Variants in DPP10 observed in about 807,000 individuals in gnomAD.
DPP10 encodes dipeptidyl peptidase like 10.
A neutral mutation model predicts 120.9 loss-of-function variants in DPP10; 33 were observed. The ratio of observed to expected loss-of-function variants is 0.27; its 90% CI spans 0.21 to 0.37. The LOEUF is 0.37. DPP10 is among the 10% of genes least tolerant of loss of function. The probability of loss-of-function intolerance (pLI) is 1.00; values close to 1 mark genes in which losing one functional copy is unlikely to be tolerated. For synonymous variants in DPP10, 337 were observed against 326.1 expected (o/e 1.03, Z -0.36); for missense variants, 816 against 942.8 (o/e 0.87, Z 1.76).
intron 21 of DPP10, among the ~76,000 whole-genome samples, chr2:115,827,355 A>G (rs947910096): frequency 7.4e-6 from 1 of 135,710 alleles, no homozygotes; most frequent in Admixed American, 7.6e-5. Context: ...ATATGTACAT[A>G]TATATGAAGT....
chr2:114,872,840 G>A (rs1398068892), intron 1 of DPP10, among the ~76,000 whole-genome samples: 4 of 152,092 alleles, frequency 2.6e-5, no homozygotes. Flanking sequence ...CCAACAAAAA[G>A]AAAGCTGCAT....
chr2:114,948,062 T>A (rs1697499073), intron 1 of DPP10, among the ~76,000 whole-genome samples: 1 of 152,066 alleles, frequency 6.6e-6, no homozygotes, highest in African/African-American at 2.4e-5. Flanking sequence ...CTATTATTAA[T>A]TCAATACTGA....
At chr2:115,016,669 C>A (rs1476765536) in intron 1 of DPP10, among the ~76,000 whole-genome samples, 1 of 150,786 alleles carries the variant, frequency 6.6e-6, no homozygotes, top group Admixed American at 6.6e-5. Flanking sequence ...AAAAAAAAAA[C>A]AACCCATCAA....
intron 10 of DPP10, among the ~76,000 whole-genome samples, chr2:115,748,266 T>C (rs1678260752): frequency 6.6e-6 from 1 of 151,492 alleles, no homozygotes; most frequent in Non-Finnish European, 1.5e-5. Context: ...GCATCTGGTA[T>C]ATTTTTATAA....
intron 1 of DPP10, among the ~76,000 whole-genome samples, chr2:114,499,605 T>A (rs1682982139): frequency 6.6e-6 from 1 of 151,866 alleles, no homozygotes; most frequent in Admixed American, 6.6e-5. Context: ...GAGCAGGGAC[T>A]GGGCTGTGAA....
chr2:114,636,126 A>G (rs1159784043), intron 1 of DPP10, among the ~76,000 whole-genome samples: 1 of 151,976 alleles, frequency 6.6e-6, no homozygotes, highest in African/African-American at 2.4e-5. Flanking sequence ...CATTCTTTCA[A>G]TAAAAATCAT....
At chr2:115,635,653 A>C (rs1002653420) in intron 5 of DPP10, among the ~76,000 whole-genome samples, 11 of 152,292 alleles carry the variant, frequency 7.2e-5, no homozygotes, top group South Asian at 6.2e-4. Flanking sequence ...ATTTGATAAG[A>C]AAGGTTATTT....
At chr2:115,390,633 A>G (rs1412187398) in intron 3 of DPP10, among the ~76,000 whole-genome samples, 2 of 152,154 alleles carry the variant, frequency 1.3e-5, no homozygotes, top group African/African-American at 4.8e-5. Flanking sequence ...TGAGAGAGAA[A>G]TGAATTTTGC....
At position 114,512,906 on chromosome 2, in the gene DPP10, AG is replaced by A. The variant is rs1264607921; in HGVS notation, c.60+70069del. Among the ~76,000 whole-genome samples the A allele has an allele frequency of 5.3e-5, 8 of 152,332 alleles. No homozygotes were observed. The East Asian group carries it at 1.5e-3, about 29-fold the overall frequency. On this transcript the variant is annotated intron_variant, in intron 1 of 25. Coordinates refer to ENST00000410059, the MANE Select transcript of DPP10 (RefSeq NM_020868.6). ...AGCCTCAAACACTGCTGTAGAGGAA[AG>A]ATTAGAAATATAAATTATGTAAAAT...
intron 1 of DPP10, among the ~76,000 whole-genome samples, chr2:114,703,555 G>T (rs1700510374): frequency 6.6e-6 from 1 of 152,114 alleles, no homozygotes; most frequent in Non-Finnish European, 1.5e-5. Context: ...TCAGAAAATT[G>T]TTAGCTATCC....
At chr2:115,315,864 T>C (rs1289816833) in intron 2 of DPP10, among the ~76,000 whole-genome samples, 2 of 152,166 alleles carry the variant, frequency 1.3e-5, no homozygotes, top group African/African-American at 2.4e-5. Context: ...TTGTTGCTTT[T>C]TTAAATAGAT....
At chr2:114,947,523 T>A (rs1322710877) in intron 1 of DPP10, among the ~76,000 whole-genome samples, 2 of 152,002 alleles carry the variant, frequency 1.3e-5, no homozygotes, top group African/African-American at 4.8e-5. Flanking sequence ...AGTTCCGTCA[T>A]ATTGGTCACT....
At chr2:115,380,783 A>T (rs2066267321) in intron 3 of DPP10, among the ~76,000 whole-genome samples, 2 of 152,110 alleles carry the variant, frequency 1.3e-5, no homozygotes, top group South Asian at 4.1e-4. Flanking sequence ...GCTTGTCCGC[A>T]AAGTATTTTA....
At position 114,785,751 on chromosome 2, in the gene DPP10, G is replaced by C. The variant is rs77130405; in HGVS notation, c.60+342913G>C. On this transcript the variant is annotated intron_variant, in intron 1 of 25. Coordinates refer to ENST00000410059, the MANE Select transcript of DPP10 (RefSeq NM_020868.6). ...AGTCTAAGGGGGAGCTGAAGACTTT[G>C]TACAATAGATTTTAAATTCAGAATT... 3.0e-3 allele frequency among the ~76,000 whole-genome samples: 464 copies of C among 152,228 alleles called. 14 individuals are homozygous for C. In the East Asian group the frequency reaches 0.077, roughly 25 times the overall value.
At chr2:115,153,728 TTATTTTTCCCTAAAATACTTA>T (rs1174447547) in intron 1 of DPP10, among the ~76,000 whole-genome samples, 5 of 152,168 alleles carry the variant, frequency 3.3e-5, no homozygotes, top group Admixed American at 6.5e-5. Flanking sequence ...AGCATAAACT[TTATTTTTCCCTAAAATACTTA>T]TATTTTTCCC....
intron 3 of DPP10, among the ~76,000 whole-genome samples, chr2:115,384,707 A>AAAG (rs139572526): frequency 0.16 from 24,327 of 148,412 alleles, 2,313 homozygotes; most frequent in East Asian, 0.32. Flanking sequence ...AAGAAAGAAG[A>AAAG]AAGAAGAAGA....
chr2:115,534,234 A>G (rs924698483), intron 5 of DPP10, among the ~76,000 whole-genome samples: 5 of 151,966 alleles, frequency 3.3e-5, no homozygotes, highest in Non-Finnish European at 1.5e-5. Context: ...AGCATTAGGT[A>G]TATCTCCCAA....
intron 1 of DPP10, among the ~76,000 whole-genome samples, chr2:115,122,464 C>G (rs1401312615): frequency 6.6e-6 from 1 of 152,194 alleles, no homozygotes; most frequent in African/African-American, 2.4e-5. Context: ...CTTGGGCCAG[C>G]CTATATCTTT....
At chr2:114,537,038 G>C (rs1686557537) in intron 1 of DPP10, among the ~76,000 whole-genome samples, 1 of 152,162 alleles carries the variant, frequency 6.6e-6, no homozygotes, top group African/African-American at 2.4e-5. Flanking sequence ...CTATGGATGG[G>C]AGATTTCATA....
Sources: gnomAD v4.1 joint callset for allele counts (sites outside exome capture counted in the v4.1 genomes callset) on GRCh38, gnomAD v4.1.1 for gene constraint, MANE v1.5 for transcripts, NCBI Gene and HGNC (gene_info 2026-07-23, HGNC 2026-07-21) for gene names.